The following TPD52 variants were observed in gnomAD, a reference collection of about 807,000 sequenced individuals.
TPD52 encodes tumor protein D52.
A neutral mutation model predicts 31.3 loss-of-function variants in TPD52; 17 were observed. That is an observed-to-expected ratio of 0.54 (90% confidence interval 0.37 to 0.82). The LOEUF is 0.82. Ranked by LOEUF, TPD52 falls within the 40% of genes least tolerant of loss-of-function variation. TPD52 has a pLI of 0.00. For synonymous variants in TPD52, 83 were observed against 89.6 expected (o/e 0.93, Z 0.42); for missense variants, 212 against 240.1 (o/e 0.88, Z 0.77).
At chr8:80,054,616 C>G (rs1811685120) in intron 2 of TPD52, among the ~76,000 whole-genome samples, 1 of 152,094 alleles carries the variant, frequency 6.6e-6, no homozygotes, top group African/African-American at 2.4e-5. Flanking sequence ...ACAACATGCC[C>G]TTTAAAAATA....
chr8:80,037,133 T>TA lies in TPD52; in HGVS notation c.*982dup, dbSNP rs1226733496. 6.6e-6 allele frequency: 1 copy of TA among 152,592 alleles called. No individual in the cohort carries two copies. Among genetic ancestry groups the TA allele is most frequent in the East Asian group, 1.9e-4 (1 of 5,200 alleles). The allele number at this position is 152,592 out of a possible 1,614,324, so 9.5% of individuals were successfully genotyped here. On this transcript the variant is annotated 3_prime_UTR_variant, in exon 8 of 8. Coordinates refer to ENST00000518937, the MANE Select transcript of TPD52 (RefSeq NM_001025253.3). Reference sequence around the variant, plus strand: ...AAGAGTTATCACCAACCCCTCAGTATAAAAAATTTTCAAGTTATATTAGTC... The same window carrying TA: ...AAGAGTTATCACCAACCCCTCAGTATAAAAAAATTTTCAAGTTATATTAGTC...
At chr8:80,129,703 C>CTT (rs5892709) in intron 1 of TPD52, among the ~76,000 whole-genome samples, 20,128 of 129,936 alleles carry the variant, frequency 0.15, 2,774 homozygotes, top group African/African-American at 0.35. Context: ...ACTCTCATTT[C>CTT]TTTTTTTTTT....
At chr8:80,115,532 G>C (rs1157730990) in intron 1 of TPD52, among the ~76,000 whole-genome samples, 1 of 152,244 alleles carries the variant, frequency 6.6e-6, no homozygotes, top group African/African-American at 2.4e-5. Flanking sequence ...GAGAAGGAAG[G>C]GAGGCAAGAG....
In TPD52 at chr8:80,072,798, C is replaced by CACACATATATATATAT. The variant is rs977939775; in HGVS notation, c.20-8206_20-8205insATATATATATATGTGT. ...ATATATACACATACACACACACACA[C>CACACATATATATATAT]ATATATATATATATATAAACTTGGC... On this transcript the variant is annotated intron_variant, in intron 1 of 7. Transcript: ENST00000518937. Among the ~76,000 whole-genome samples, 21 of 141,082 alleles carry CACACATATATATATAT rather than the reference C, an allele frequency of 1.5e-4. No homozygotes were observed. In the South Asian group the frequency reaches 1.9e-3, roughly 13 times the overall value. 92.6% of individuals were successfully genotyped at this position (141,082 alleles called of 152,430 possible).
chr8:80,039,350 C>A (rs950192012), intron 7 of TPD52, among the ~76,000 whole-genome samples: 1 of 152,168 alleles, frequency 6.6e-6, no homozygotes, highest in Non-Finnish European at 1.5e-5. Context: ...ATAGCACCTA[C>A]CTAGCTGCCC....
chr8:80,134,083 G>T (rs1408038058), intron 1 of TPD52, among the ~76,000 whole-genome samples: 2 of 152,212 alleles, frequency 1.3e-5, no homozygotes, highest in Non-Finnish European at 2.9e-5. Context: ...CACGGCCACA[G>T]CTTAGGAGCA....
chr8:80,130,286 A>G (rs956384108), intron 1 of TPD52, among the ~76,000 whole-genome samples: 1 of 152,190 alleles, frequency 6.6e-6, no homozygotes, highest in African/African-American at 2.4e-5. Flanking sequence ...AAAAACTTCT[A>G]ACTTACTTTG....
intron 1 of TPD52, among the ~76,000 whole-genome samples, chr8:80,125,014 A>G (rs1440143099): frequency 3.3e-5 from 5 of 152,202 alleles, no homozygotes; most frequent in Non-Finnish European, 7.3e-5. Context: ...AGTCAGCATC[A>G]GTTTCTTTTT....
chr8:80,124,392 C>T (rs1328302052), intron 1 of TPD52, among the ~76,000 whole-genome samples: 2 of 152,068 alleles, frequency 1.3e-5, no homozygotes, highest in Admixed American at 6.6e-5. Context: ...AAGCTAGTCT[C>T]GAACTCCTGG....
chr8:80,072,730 C>CAT (rs748072147), intron 1 of TPD52, among the ~76,000 whole-genome samples: 1 of 149,542 alleles, frequency 6.7e-6, no homozygotes, highest in Non-Finnish European at 1.5e-5. Context: ...CACATATATA[C>CAT]ATATATATAC....
intron 2 of TPD52, among the ~76,000 whole-genome samples, chr8:80,063,279 A>C (rs1812744678): frequency 6.6e-6 from 1 of 152,250 alleles, no homozygotes; most frequent in East Asian, 1.9e-4. Context: ...ACATGAAGGG[A>C]AAGAACCCAA....
intron 1 of TPD52, among the ~76,000 whole-genome samples, chr8:80,104,256 G>A (rs1806942821): frequency 6.6e-6 from 1 of 152,210 alleles, no homozygotes; most frequent in Non-Finnish European, 1.5e-5. Context: ...CTCCTTCCCA[G>A]TTTGGGGGTG....
intron 1 of TPD52, among the ~76,000 whole-genome samples, chr8:80,128,018 A>G (rs1212981228): frequency 1.3e-5 from 2 of 151,678 alleles, no homozygotes; most frequent in Non-Finnish European, 2.9e-5. Flanking sequence ...ACATTTTCTA[A>G]CAAGCAGCTA....
intron 1 of TPD52, among the ~76,000 whole-genome samples, chr8:80,112,659 G>A (rs908340208): frequency 3.3e-5 from 5 of 152,108 alleles, no homozygotes; most frequent in South Asian, 2.1e-4. Context: ...AAACCAAGTG[G>A]AAAAAAATTT....
intron 1 of TPD52, among the ~76,000 whole-genome samples, chr8:80,105,718 T>A (rs868727604): frequency 2.1e-5 from 3 of 142,702 alleles, no homozygotes; most frequent in African/African-American, 7.8e-5. Flanking sequence ...ATTACACCCA[T>A]CCCAGGTCTG....
downstream of TPD52, among the ~76,000 whole-genome samples, chr8:80,031,859 C>T (rs114548709): frequency 0.067 from 10,165 of 151,614 alleles, 705 homozygotes; most frequent in African/African-American, 0.18. Context: ...CTCAAGTATC[C>T]GTAAAAACAC....
At chr8:80,163,779 T>C in intron 1 of TPD52, among the ~76,000 whole-genome samples, 1 of 152,148 alleles carries the variant, frequency 6.6e-6, no homozygotes, top group Admixed American at 6.5e-5. Context: ...ATAGCTAAAA[T>C]GGAATGTAAA....
chr8:80,061,706 T>G (rs1181430568), intron 2 of TPD52, among the ~76,000 whole-genome samples: 1 of 152,018 alleles, frequency 6.6e-6, no homozygotes, highest in African/African-American at 2.4e-5. Flanking sequence ...TAAATATATT[T>G]GAGCTCATAA....
At chr8:80,136,662 T>C (rs941476243) in intron 1 of TPD52, among the ~76,000 whole-genome samples, 6 of 151,046 alleles carry the variant, frequency 4.0e-5, no homozygotes, top group African/African-American at 1.5e-4. Context: ...CAGTAAAAGG[T>C]CCCAAGAAAC....
Sources: allele counts gnomAD v4.1 joint callset (sites outside exome capture counted in the v4.1 genomes callset), GRCh38; gene constraint gnomAD v4.1.1; transcripts MANE v1.5; gene names NCBI Gene and HGNC (gene_info 2026-07-23, HGNC 2026-07-21).